The following OGA variants were observed in gnomAD, a reference collection of about 807,000 sequenced individuals.
OGA encodes protein O-GlcNAcase.
Under a neutral mutation model 102.0 loss-of-function variants are expected in OGA, and 21 were observed. That is an observed-to-expected ratio of 0.21 (90% CI 0.15 to 0.30). OGA has a LOEUF of 0.30. OGA is among the 10% of genes least tolerant of loss of function. OGA has a pLI of 1.00. For synonymous variants in OGA, 408 were observed against 378.2 expected (o/e 1.08, Z -0.91); for missense variants, 765 against 1,107.8 (o/e 0.69, Z 4.39).
At chr10:101,800,824 G>C (rs2065381906) in intron 7 of OGA, among the ~76,000 whole-genome samples, 1 of 147,990 alleles carries the variant, frequency 6.8e-6, no homozygotes, top group African/African-American at 2.5e-5. Context: ...ACCCAGGCTG[G>C]AGTGCAGTGG....
intron 7 of OGA, among the ~76,000 whole-genome samples, 190 bp downstream of exon 7, chr10:101,803,545 C>G (rs571447618): frequency 4.6e-5 from 7 of 151,696 alleles, no homozygotes; most frequent in African/African-American, 1.7e-4. Context: ...ACATCTTCAT[C>G]AACAGAATGA....
intron 15 of OGA, 81 bp downstream of exon 15, chr10:101,787,283 T>G: frequency 7.2e-7 from 1 of 1,384,854 alleles, no homozygotes; most frequent in Non-Finnish European, 9.8e-7. Context: ...TACAATTCAC[T>G]TCTTTCCTTT....
intron 10 of OGA, chr10:101,797,100 CTTTT>C (rs2065326501): frequency 6.7e-6 from 1 of 150,012 alleles, no homozygotes; most frequent in South Asian, 2.1e-4. Flanking sequence ...CTCACTACTA[CTTTT>C]TATTCTAAGC....
intron 10 of OGA, chr10:101,797,428 G>A (rs2065330144): frequency 6.5e-6 from 1 of 152,776 alleles, no homozygotes. Flanking sequence ...CTATCCCCTG[G>A]TAAAACCAAT....
chr10:101,805,546 T>C (rs1399642272), intron 6 of OGA, among the ~76,000 whole-genome samples: 1 of 150,998 alleles, frequency 6.6e-6, no homozygotes, highest in African/African-American at 2.4e-5. Context: ...TCCCAGCTAC[T>C]TGGGAGGCTG....
intron 10 of OGA, among the ~76,000 whole-genome samples, chr10:101,795,447 T>C (rs986480814): frequency 6.6e-6 from 1 of 152,212 alleles, no homozygotes; most frequent in East Asian, 1.9e-4. Context: ...GTCCATCCAA[T>C]AGTAGTAGAC....
intron 3 of OGA, 64 bp from the exon 4 acceptor site, chr10:101,810,378 G>GTTC: frequency 5.6e-6 from 8 of 1,419,064 alleles, no homozygotes; most frequent in Non-Finnish European, 6.7e-6. Context: ...TTCACTGAAG[G>GTTC]TTTAACTGAA....
chr10:101,802,562 G>C (rs1353360902), intron 7 of OGA, among the ~76,000 whole-genome samples: 2 of 151,648 alleles, frequency 1.3e-5, no homozygotes, highest in Admixed American at 6.6e-5. Flanking sequence ...CCAGCTACTC[G>C]GGAGGCTGAG....
intron 10 of OGA, among the ~76,000 whole-genome samples, chr10:101,794,716 C>T (rs1391437901): frequency 6.6e-6 from 1 of 152,128 alleles, no homozygotes; most frequent in Non-Finnish European, 1.5e-5. Context: ...ATAATCTTTG[C>T]AATACACTGA....
chr10:101,799,882 CT>C (rs1048804271), intron 8 of OGA, among the ~76,000 whole-genome samples: 3 of 151,764 alleles, frequency 2.0e-5, no homozygotes, highest in Non-Finnish European at 4.4e-5. Flanking sequence ...TGACAGTGTT[CT>C]TTTTTTTGAG....
In OGA at chr10:101,787,410, C is replaced by T; in HGVS notation, c.2568G>A (p.Val856=). Residue 856 remains valine, a synonymous_variant, in exon 15 of 16, where the codon GTG becomes GTA. Transcript: ENST00000361464. ...GGAGGCAAGCCATCATGCTTTTGGC[C>T]ACACTTGGGTCAGTTACTTTTTTGT... is the stretch of plus-strand genomic sequence containing the variant. The part of the protein sequence containing the change: ...DIHKKVTDPS[V]AKSMMACLLS... 6.2e-7 allele frequency: 1 copy of T among 1,613,910 alleles called. No homozygotes were observed. Among genetic ancestry groups the T allele is most frequent in the Admixed American group, 1.7e-5 (1 of 60,020 alleles).
intron 14 of OGA, among the ~76,000 whole-genome samples, chr10:101,789,391 G>A (rs1222361723): frequency 3.9e-5 from 6 of 152,080 alleles, no homozygotes; most frequent in African/African-American, 1.4e-4. Context: ...TCAACTACTC[G>A]AGAGGCTGAA....
At chr10:101,815,203 C>A (rs1056702770) in intron 1 of OGA, among the ~76,000 whole-genome samples, 4 of 152,178 alleles carry the variant, frequency 2.6e-5, no homozygotes, top group Non-Finnish European at 5.9e-5. Flanking sequence ...AATTAAAATT[C>A]ATTACATACC....
rs2065186124 is a variant in OGA, at chr10:101,785,870, C to A, written c.*581G>T. The A allele has an allele frequency of 6.6e-6, 1 of 152,240 alleles. No homozygotes were observed. The allele number at this position is 152,240 out of a possible 1,614,324, so 9.4% of individuals were successfully genotyped here. ...CCTACAAAGTACAACATGCCTGAACCAACAGTCATTACAGGAGACAATTGG... is the reference window on the plus strand; with the variant it reads ...CCTACAAAGTACAACATGCCTGAACAAACAGTCATTACAGGAGACAATTGG... On this transcript the variant is annotated 3_prime_UTR_variant, in exon 16 of 16. Transcript: ENST00000361464.
At position 101,817,969 on chromosome 10, in the gene OGA, G is replaced by A. The variant is rs41291488; in HGVS notation, c.54C>T (p.Ser18=). 0.051 allele frequency: 81,934 copies of A among 1,604,622 alleles called. 2,426 individuals carry two copies. Among genetic ancestry groups the A allele is most frequent in the Middle Eastern group, 0.082 (469 of 5,754 alleles). The change falls in exon 1 of 16, where the codon AGC becomes AGT. Residue 18 remains serine, a synonymous_variant. Coordinates refer to ENST00000361464, the MANE Select transcript of OGA (RefSeq NM_012215.5). The stretch of plus-strand genomic sequence containing the variant: ...CCCCCGCAGAGGCGGCAGGGTTGGA[G>A]CTGAGCTCGCTCTCCCGCTCCTCCA... ...ATLEERESEL[S]SNPAASAGAS...
chr10:101,800,448 A>C (rs2065374573), intron 7 of OGA, 48 bp from the exon 8 acceptor site: 1 of 1,484,506 alleles, frequency 6.7e-7, no homozygotes. Context: ...TGATTACAAA[A>C]GCCTTCTGAC....
chr10:101,789,380 C>T (rs1442418620), intron 14 of OGA, among the ~76,000 whole-genome samples: 1 of 152,126 alleles, frequency 6.6e-6, no homozygotes, highest in Non-Finnish European at 1.5e-5. Flanking sequence ...TGCCTGTCAT[C>T]TCAACTACTC....
chr10:101,791,649 G>A (rs1468108026), intron 12 of OGA, among the ~76,000 whole-genome samples: 1 of 152,170 alleles, frequency 6.6e-6, no homozygotes, highest in African/African-American at 2.4e-5. Context: ...TAGGAATACT[G>A]AGAATTGGCT....
At position 101,798,869 on chromosome 10, in the gene OGA, GACACTGACA is replaced by G. The variant is rs766066660; in HGVS notation, c.1773_1781del (p.Val592_Val594del). ...TTTCAGAGTCTTTTCCTTTGCAATTGACACTGACAACACTACTATTTGCTCGAAGCCATT... is the reference window on the plus strand; with the variant it reads ...TTTCAGAGTCTTTTCCTTTGCAATTGACACTACTATTTGCTCGAAGCCATT... On this transcript the variant is annotated inframe_deletion, in exon 9 of 16. Transcript: ENST00000361464. The G allele has an allele frequency of 5.6e-6, 9 of 1,613,524 alleles. No individual in the cohort carries two copies. Among genetic ancestry groups the G allele is most frequent in the Non-Finnish European group, 7.6e-6 (9 of 1,179,770 alleles).
Sources: gnomAD v4.1 joint callset for allele counts (sites outside exome capture counted in the v4.1 genomes callset) on GRCh38, gnomAD v4.1.1 for gene constraint, MANE v1.5 for transcripts, NCBI Gene and HGNC (gene_info 2026-07-23, HGNC 2026-07-21) for gene names.